LRRC4C: variants seen among roughly 807,000 people sequenced by gnomAD.
LRRC4C encodes the protein leucine-rich repeat-containing protein 4C.
A neutral mutation model predicts 33.6 loss-of-function variants in LRRC4C; 5 were observed. The observed-to-expected ratio is 0.15, with a 90% confidence interval of 0.08 to 0.31. The LOEUF is 0.31. LRRC4C is among the 10% of genes least tolerant of loss of function. LRRC4C has a pLI of 1.00. For missense variants in LRRC4C, 560 were observed against 796.7 expected, an observed-to-expected ratio of 0.70 and a Z score of 3.58; for synonymous variants, 329 against 302.0, an observed-to-expected ratio of 1.09 and a Z score of -0.93.
chr11:41,367,893 C>G (rs1319617220), intron 1 of LRRC4C, among the ~76,000 whole-genome samples: 1 of 152,066 alleles, frequency 6.6e-6, no homozygotes, highest in African/African-American at 2.4e-5. Flanking sequence ...GGTTATCAGC[C>G]TAGAAAAAAA....
intron 2 of LRRC4C, among the ~76,000 whole-genome samples, chr11:40,860,061 G>T (rs558092950): frequency 1.3e-5 from 2 of 151,356 alleles, no homozygotes; most frequent in East Asian, 3.9e-4. Flanking sequence ...ACTCCAGCCT[G>T]GGTGACAGAG....
intron 1 of LRRC4C, among the ~76,000 whole-genome samples, chr11:41,272,469 T>C (rs1193917449): frequency 6.6e-6 from 1 of 152,120 alleles, no homozygotes; most frequent in Non-Finnish European, 1.5e-5. Context: ...GGGACTCAGG[T>C]GCCTCAGTCA....
intron 1 of LRRC4C, among the ~76,000 whole-genome samples, chr11:41,138,290 T>C (rs1441269595): frequency 5.3e-5 from 8 of 152,200 alleles, no homozygotes; most frequent in Non-Finnish European, 1.0e-4. Flanking sequence ...GGTAACGCAA[T>C]TGCTTCCAGC....
At chr11:40,338,284 T>C (rs1946718651) in intron 3 of LRRC4C, among the ~76,000 whole-genome samples, 2 of 152,200 alleles carry the variant, frequency 1.3e-5, no homozygotes, top group Non-Finnish European at 1.5e-5. Context: ...GTAGTTAAGA[T>C]ATGTTTTGGA....
intron 2 of LRRC4C, among the ~76,000 whole-genome samples, chr11:40,841,438 G>A (rs1952908043): frequency 6.6e-6 from 1 of 152,198 alleles, no homozygotes; most frequent in South Asian, 2.1e-4. Flanking sequence ...TCTAAAGGAA[G>A]TAATTCAGGT....
At chr11:40,902,532 A>G (rs1257804482) in intron 2 of LRRC4C, among the ~76,000 whole-genome samples, 1 of 152,194 alleles carries the variant, frequency 6.6e-6, no homozygotes, top group African/African-American at 2.4e-5. Flanking sequence ...TAAAGTTTAA[A>G]GAGGATGGCA....
chr11:40,744,306 A>C (rs1444359182), intron 2 of LRRC4C, among the ~76,000 whole-genome samples: 1 of 152,196 alleles, frequency 6.6e-6, no homozygotes. Context: ...TAAGTAAAAA[A>C]GTGCTTCTAT....
chr11:41,360,187 C>T (rs1952303845), intron 1 of LRRC4C, among the ~76,000 whole-genome samples: 1 of 151,724 alleles, frequency 6.6e-6, no homozygotes. Context: ...TGTCTCAAAA[C>T]AAACAAACAA....
At chr11:40,364,206 T>C (rs1199874271) in intron 3 of LRRC4C, among the ~76,000 whole-genome samples, 1 of 151,938 alleles carries the variant, frequency 6.6e-6, no homozygotes, top group Non-Finnish European at 1.5e-5. Flanking sequence ...AAGAAAATTA[T>C]CAGGTATGCA....
intron 1 of LRRC4C, among the ~76,000 whole-genome samples, chr11:41,331,966 C>A (rs138756618): frequency 1.3e-5 from 2 of 152,094 alleles, no homozygotes; most frequent in Non-Finnish European, 2.9e-5. Flanking sequence ...CATGATAACC[C>A]CTTATTTTTA....
chr11:41,279,818 A>G (rs1949607123), intron 1 of LRRC4C, among the ~76,000 whole-genome samples: 1 of 152,108 alleles, frequency 6.6e-6, no homozygotes, highest in Non-Finnish European at 1.5e-5. Flanking sequence ...CCTGCAGAAC[A>G]CTGGGTCCTT....
chr11:40,527,480 T>C (rs1292608291), intron 3 of LRRC4C, among the ~76,000 whole-genome samples: 2 of 152,018 alleles, frequency 1.3e-5, no homozygotes, highest in African/African-American at 2.4e-5. Context: ...ATAAGGATAT[T>C]TGGTAAATTA....
intron 3 of LRRC4C, among the ~76,000 whole-genome samples, chr11:40,481,078 A>AT (rs1010506522): frequency 9.9e-5 from 15 of 151,956 alleles, no homozygotes; most frequent in African/African-American, 3.6e-4. Flanking sequence ...AAAAAAAAAA[A>AT]GAAAATATCT....
chr11:40,753,749 C>T (rs978895741), intron 2 of LRRC4C, among the ~76,000 whole-genome samples: 5 of 151,688 alleles, frequency 3.3e-5, no homozygotes, highest in African/African-American at 9.7e-5. Context: ...TTGATTGTTA[C>T]GTGAGTATGT....
chr11:40,980,790 A>G (rs1413351756), intron 1 of LRRC4C, among the ~76,000 whole-genome samples: 2 of 152,140 alleles, frequency 1.3e-5, no homozygotes, highest in Non-Finnish European at 2.9e-5. Flanking sequence ...CTTAATTCAT[A>G]CCTTATTTTG....
At chr11:40,264,903 C>A (rs1206864089) in intron 4 of LRRC4C, among the ~76,000 whole-genome samples, 1 of 152,178 alleles carries the variant, frequency 6.6e-6, no homozygotes, top group Non-Finnish European at 1.5e-5. Flanking sequence ...ATGGCAAGAA[C>A]TATTAGGCTA....
intron 1 of LRRC4C, among the ~76,000 whole-genome samples, chr11:41,131,579 CAGAGCG>C (rs1420043898): frequency 6.6e-6 from 1 of 151,964 alleles, no homozygotes; most frequent in Non-Finnish European, 1.5e-5. Flanking sequence ...GCATTTGAAC[CAGAGCG>C]ACCACATCTT....
At chr11:41,031,497 AG>A (rs1246177294) in intron 1 of LRRC4C, among the ~76,000 whole-genome samples, 1 of 152,010 alleles carries the variant, frequency 6.6e-6, no homozygotes, top group Non-Finnish European at 1.5e-5. Context: ...ATGATGAAAA[AG>A]TGGCTCAGGG....
At chr11:40,226,921 C>A (rs965509616) in intron 5 of LRRC4C, among the ~76,000 whole-genome samples, 1 of 152,196 alleles carries the variant, frequency 6.6e-6, no homozygotes, top group Admixed American at 6.5e-5. Flanking sequence ...TCTGATTTTA[C>A]AAAGAGTCTT....
Sources: gnomAD v4.1 joint callset for allele counts (sites outside exome capture counted in the v4.1 genomes callset) on GRCh38, gnomAD v4.1.1 for gene constraint, MANE v1.5 for transcripts, NCBI Gene and HGNC (gene_info 2026-07-23, HGNC 2026-07-21) for gene names.